The following CREBBP variants were observed in gnomAD, a reference collection of about 807,000 sequenced individuals.
CREBBP encodes the protein CREB binding lysine acetyltransferase.
In CREBBP, 19 loss-of-function variants were observed where a neutral mutation model predicts 265.0. The ratio of observed to expected loss-of-function variants is 0.07; its 90% CI spans 0.05 to 0.11. The LOEUF (loss-of-function observed/expected upper bound fraction) is 0.11. CREBBP is among the 10% of genes least tolerant of loss of function. The pLI, the probability that CREBBP is intolerant of heterozygous loss-of-function variation, is 1.00. For synonymous variants in CREBBP, 1,457 were observed against 1,223.7 expected (o/e 1.19, Z -3.98); for missense variants, 2,525 against 3,219.0 (o/e 0.78, Z 5.22).
At chr16:3,756,237 A>G (rs1175764894) in intron 19 of CREBBP, among the ~76,000 whole-genome samples, 4 of 152,200 alleles carry the variant, frequency 2.6e-5, no homozygotes, top group African/African-American at 9.7e-5. Flanking sequence ...ACAAACCTCT[A>G]TCTTGGCCAC....
intron 5 of CREBBP, 118 bp from the exon 6 acceptor site, chr16:3,783,044 T>A: frequency 7.5e-7 from 1 of 1,325,010 alleles, no homozygotes; most frequent in Non-Finnish European, 1.1e-6. Context: ...TACACATGAA[T>A]ATCATAAAGC....
intron 5 of CREBBP, among the ~76,000 whole-genome samples, chr16:3,785,592 C>T (rs142762907): frequency 9.8e-5 from 15 of 152,350 alleles, no homozygotes; most frequent in Admixed American, 7.8e-4. Flanking sequence ...TATAGCGCAG[C>T]GGCCAGCACA....
chr16:3,808,116 G>A (rs1028126961), intron 3 of CREBBP, among the ~76,000 whole-genome samples: 7 of 149,466 alleles, frequency 4.7e-5, no homozygotes, highest in Non-Finnish European at 8.9e-5. Context: ...GAGAGAAAGA[G>A]AGGGGGTGGG....
At chr16:3,789,862 C>CA (rs1446388026) in intron 5 of CREBBP, among the ~76,000 whole-genome samples, 2 of 151,702 alleles carry the variant, frequency 1.3e-5, no homozygotes, top group Admixed American at 1.3e-4. Context: ...TCACAACACT[C>CA]AGGCCGTTAT....
chr16:3,741,081 G>A (rs2052193978), intron 23 of CREBBP: 10 of 181,050 alleles, frequency 5.5e-5, no homozygotes, highest in Admixed American at 4.3e-4. Flanking sequence ...CTGAGCCATC[G>A]CCTCGTGCGG....
In CREBBP at chr16:3,824,724, G is replaced by A. The variant is rs2054205980; in HGVS notation, c.799-13945C>T. Among the ~76,000 whole-genome samples the A allele has an allele frequency of 2.0e-5, 3 of 152,176 alleles. No individual in the cohort carries two copies. In the South Asian group the frequency reaches 6.2e-4, roughly 32 times the overall value. ...GGCTGAACCATACCCGGTCAACTTG[G>A]AGACTACAACTGCCAAGCAGGCCGG... On this transcript the variant is annotated intron_variant, in intron 2 of 30. Transcript: ENST00000262367.
intron 2 of CREBBP, among the ~76,000 whole-genome samples, chr16:3,838,637 C>A (rs1432345620): frequency 6.6e-6 from 1 of 152,106 alleles, no homozygotes; most frequent in Non-Finnish European, 1.5e-5. Flanking sequence ...TTCTTTAGCG[C>A]TAAGTATGAC....
chr16:3,759,781 T>A (rs765454164), intron 16 of CREBBP, among the ~76,000 whole-genome samples: 1 of 152,220 alleles, frequency 6.6e-6, no homozygotes, highest in South Asian at 2.1e-4. Flanking sequence ...CATTTACTAA[T>A]GCCAATTTCT....
At chr16:3,774,454 C>T in intron 12 of CREBBP, 115 bp downstream of exon 12, 1 of 1,426,484 alleles carries the variant, frequency 7.0e-7, no homozygotes, top group Non-Finnish European at 9.9e-7. Context: ...AAGCATAACC[C>T]AAATTCAAAG....
At chr16:3,751,293 T>C (rs868478523) in intron 20 of CREBBP, among the ~76,000 whole-genome samples, 3 of 152,144 alleles carry the variant, frequency 2.0e-5, no homozygotes, top group Non-Finnish European at 4.4e-5. Flanking sequence ...AATGTGATCA[T>C]AGTTAATATG....
intron 16 of CREBBP, among the ~76,000 whole-genome samples, chr16:3,759,242 G>T (rs1026556098): frequency 6.6e-6 from 1 of 152,118 alleles, no homozygotes; most frequent in Non-Finnish European, 1.5e-5. Context: ...GGCTGAAAAA[G>T]AAAGTAAAGC....
intron 2 of CREBBP, among the ~76,000 whole-genome samples, chr16:3,838,717 C>T (rs895005416): frequency 6.6e-6 from 1 of 152,090 alleles, no homozygotes; most frequent in African/African-American, 2.4e-5. Flanking sequence ...TAACAAACAT[C>T]AACTTTTTAA....
chr16:3,757,442 T>C lies in CREBBP; in HGVS notation c.3610-66A>G, dbSNP rs560302944. The C allele has an allele frequency of 3.2e-6, 4 of 1,261,968 alleles. No homozygotes were observed. The South Asian group carries it at 3.8e-5, about 12-fold the overall frequency. The allele number at this position is 1,261,968 out of a possible 1,614,324, so 78.2% of individuals were successfully genotyped here. ...TTCCATTTACTGTCTTATAATGTTC[T>C]AGTCTACTATAGAGACTAGTAAATT... On this transcript the variant is annotated intron_variant, in intron 18 of 30. Transcript: ENST00000262367.
At chr16:3,817,775 C>T (rs1187719056) in intron 2 of CREBBP, among the ~76,000 whole-genome samples, 1 of 152,126 alleles carries the variant, frequency 6.6e-6, no homozygotes, top group Non-Finnish European at 1.5e-5. Flanking sequence ...GGCCAAACTC[C>T]ACTGGGGGGA....
intron 2 of CREBBP, among the ~76,000 whole-genome samples, chr16:3,846,912 T>C (rs1391089550): frequency 6.6e-6 from 1 of 152,194 alleles, no homozygotes; most frequent in African/African-American, 2.4e-5. Flanking sequence ...CTCTTAAGAG[T>C]ATTTTTATGG....
intron 17 of CREBBP, among the ~76,000 whole-genome samples, chr16:3,758,334 G>C (rs2052634895): frequency 6.6e-6 from 1 of 152,120 alleles, no homozygotes; most frequent in South Asian, 2.1e-4. Flanking sequence ...TTTAAAAATA[G>C]ATCTTTAATC....
chr16:3,804,692 C>T (rs949642190), intron 3 of CREBBP, among the ~76,000 whole-genome samples: 19 of 152,240 alleles, frequency 1.2e-4, no homozygotes, highest in Admixed American at 3.3e-4. Context: ...CTGCTATCCT[C>T]ATTATACACT....
At chr16:3,861,830 C>A (rs116040773) in intron 1 of CREBBP, among the ~76,000 whole-genome samples, 1,901 of 150,958 alleles carry the variant, frequency 0.013, 44 homozygotes, top group African/African-American at 0.045. Context: ...TTCCGTAATT[C>A]AGGCTTCTTT....
intron 4 of CREBBP, 90 bp downstream of exon 4, chr16:3,793,296 G>C: frequency 1.3e-6 from 2 of 1,573,426 alleles, no homozygotes; most frequent in Non-Finnish European, 1.7e-6. Context: ...CAGGCTGCCG[G>C]AGCCTTATGA....
Sources: allele counts gnomAD v4.1 joint callset (sites outside exome capture counted in the v4.1 genomes callset), GRCh38; gene constraint gnomAD v4.1.1; transcripts MANE v1.5; gene names NCBI Gene and HGNC (gene_info 2026-07-23, HGNC 2026-07-21).